The following SEC14L5 variants were observed in gnomAD, a reference collection of about 807,000 sequenced individuals.
The protein encoded by SEC14L5 is SEC14 like lipid binding 5, also known as SEC14-like protein 5.
In SEC14L5, 96 loss-of-function variants were observed where a neutral mutation model predicts 84.6. The observed-to-expected ratio is 1.13, with a 90% CI of 0.96 to 1.34. The LOEUF (loss-of-function observed/expected upper bound fraction) is 1.34. SEC14L5 is among the 40% of genes most tolerant of loss of function. SEC14L5 has a pLI of 0.00. For synonymous variants in SEC14L5, 546 were observed against 383.4 expected (o/e 1.42, Z -4.95); for missense variants, 1,224 against 942.5 (o/e 1.30, Z -3.91).
chr16:5,015,100 G>T lies in SEC14L5; in HGVS notation c.*130G>T, dbSNP rs1955859585. 5 of 699,330 alleles carry T rather than the reference G, an allele frequency of 7.1e-6. No individual in the cohort carries two copies. The South Asian group carries it at 9.1e-5, about 13-fold the overall frequency. The allele number at this position is 699,330 out of a possible 1,614,324, so 43.3% of individuals were successfully genotyped here. A position where few individuals can be genotyped will look rare whatever the true frequency, so the allele number is the denominator to read the frequency against. On this transcript the variant is annotated 3_prime_UTR_variant, in exon 16 of 16. Coordinates refer to ENST00000251170, the MANE Select transcript of SEC14L5 (RefSeq NM_014692.2). ...CCAGGCCTAGATGCTGCCCAAGTTGGGGTGTCTGGAGCGGATGGCAAGGAT... is the reference window on the plus strand; with the variant it reads ...CCAGGCCTAGATGCTGCCCAAGTTGTGGTGTCTGGAGCGGATGGCAAGGAT...
At chr16:4,982,538 C>G (rs528086228) in intron 2 of SEC14L5, among the ~76,000 whole-genome samples, 4 of 152,160 alleles carry the variant, frequency 2.6e-5, no homozygotes, top group Non-Finnish European at 5.9e-5. Context: ...TCCGCCCGCA[C>G]AGAAGCAAGC....
intron 2 of SEC14L5, among the ~76,000 whole-genome samples, chr16:4,983,078 C>T (rs868544848): frequency 1.4e-4 from 21 of 152,272 alleles, no homozygotes; most frequent in Admixed American, 7.2e-4. Context: ...TCTCCGCTTA[C>T]TGTAACCTCT....
At chr16:4,988,346 C>G in intron 4 of SEC14L5, 66 bp downstream of exon 4, 1 of 1,570,372 alleles carries the variant, frequency 6.4e-7, no homozygotes, top group Non-Finnish European at 8.6e-7. Context: ...CACCTGTGCC[C>G]AGAGCTGTGT....
intron 15 of SEC14L5, among the ~76,000 whole-genome samples, chr16:5,013,972 C>T (rs552251235): frequency 3.3e-5 from 5 of 152,324 alleles, no homozygotes; most frequent in East Asian, 3.9e-4. Context: ...GGATGACAGG[C>T]GTAAGCCATG....
intron 2 of SEC14L5, among the ~76,000 whole-genome samples, chr16:4,982,606 C>G (rs1955438501): frequency 6.6e-6 from 1 of 152,224 alleles, no homozygotes; most frequent in South Asian, 2.1e-4. Flanking sequence ...GTGAGGGGCC[C>G]TTCCCTGTGA....
intron 2 of SEC14L5, among the ~76,000 whole-genome samples, chr16:4,980,329 G>A (rs946287378): frequency 2.0e-4 from 31 of 152,274 alleles, no homozygotes; most frequent in African/African-American, 7.0e-4. Flanking sequence ...ACTGGATACT[G>A]GGAGAAGTAC....
At position 4,965,454 on chromosome 16, in the gene SEC14L5, G is replaced by A. The variant is rs899912714; in HGVS notation, c.63+6068G>A. Among the ~76,000 whole-genome samples, 13 of 151,882 alleles carry A rather than the reference G, an allele frequency of 8.6e-5. 1 individual carries two copies. The Middle Eastern group carries it at 0.021, about 240-fold the overall frequency. On this transcript the variant is annotated intron_variant, in intron 2 of 15. Coordinates refer to ENST00000251170, the MANE Select transcript of SEC14L5 (RefSeq NM_014692.2). ...AGGCGGGCGGATCACGAGGTCAGGA[G>A]ATCGAGACCATCCTGGCTAACACGG... is the stretch of plus-strand genomic sequence containing the variant.
chr16:4,970,617 C>G (rs1955263335), intron 2 of SEC14L5, among the ~76,000 whole-genome samples: 1 of 152,202 alleles, frequency 6.6e-6, no homozygotes, highest in African/African-American at 2.4e-5. Context: ...GGGGAACCAG[C>G]TGATCCTAGG....
intron 6 of SEC14L5, among the ~76,000 whole-genome samples, chr16:4,995,478 A>C (rs913947345): frequency 4.6e-5 from 7 of 151,784 alleles, no homozygotes; most frequent in Admixed American, 4.6e-4. Context: ...GTCTGTCAAA[A>C]CCCCACAATG....
At chr16:4,986,213 C>T (rs947776693) in intron 2 of SEC14L5, among the ~76,000 whole-genome samples, 2 of 151,658 alleles carry the variant, frequency 1.3e-5, no homozygotes, top group South Asian at 4.2e-4. Flanking sequence ...GATTTCAGCT[C>T]ACTGAAACCT....
intron 6 of SEC14L5, among the ~76,000 whole-genome samples, chr16:4,994,715 G>A (rs74005465): frequency 2.0e-5 from 3 of 150,092 alleles, no homozygotes; most frequent in Middle Eastern, 3.4e-3. Context: ...GCCCGCTCCT[G>A]CCCCCTCCTG....
intron 10 of SEC14L5, among the ~76,000 whole-genome samples, chr16:5,002,319 C>G (rs970257134): frequency 5.2e-5 from 3 of 57,532 alleles, no homozygotes; most frequent in African/African-American, 1.4e-4. Flanking sequence ...TTTTTTTTGA[C>G]AGAGTCTCGT....
chr16:4,987,649 G>A lies in SEC14L5; in HGVS notation c.156G>A (p.Val52=), dbSNP rs1568125334. The change falls in exon 3 of 16, where the codon GTG becomes GTA. Residue 52 remains valine (V), a synonymous_variant. Transcript: ENST00000251170. The stretch of plus-strand genomic sequence containing the variant: ...AGTCCCGCAGCCCGGACGGGGCTGT[G>A]CACGTGGTGGAGCGGAGCTGCCGGC... ...LRESRSPDGA[V]HVVERSCRLR... The A allele has an allele frequency of 6.4e-7, 1 of 1,553,226 alleles. No homozygotes were observed. Among genetic ancestry groups the A allele is most frequent in the Non-Finnish European group, 8.7e-7 (1 of 1,150,656 alleles).
rs979797558 is a variant in SEC14L5, at chr16:5,007,282, C to G, written c.1438-70C>G. The G allele has an allele frequency of 5.7e-5, 86 of 1,496,368 alleles. 1 individual carries two copies. The highest frequency in any genetic ancestry group is 7.5e-5 in the Non-Finnish European group (82 of 1,092,646). 92.7% of individuals were successfully genotyped at this position (1,496,368 alleles called of 1,614,324 possible). ...GAGTGGCTTTGGGGGTCACACATCA[C>G]CCTTCTGTGGGTCAGGCCAGCCAGG... On this transcript the variant is annotated intron_variant, in intron 12 of 15. Transcript: ENST00000251170.
rs546482495 is a variant in SEC14L5, at chr16:4,976,155, G to T, written c.64-11402G>T. 7.9e-5 allele frequency among the ~76,000 whole-genome samples: 12 copies of T among 152,324 alleles called. No homozygotes were observed. The South Asian group carries it at 2.5e-3, about 32-fold the overall frequency. ...AACCATGTGCCAGGCACTGCTCTAA[G>T]CACATTGCATGAGCTGACTCCTTTA... is the stretch of plus-strand genomic sequence containing the variant. On this transcript the variant is annotated intron_variant, in intron 2 of 15. Transcript: ENST00000251170.
Position 4,996,363 on chromosome 16 carries a change from C to A in SEC14L5, c.683C>A (p.Ala228Glu). The A allele has an allele frequency of 6.4e-7, 1 of 1,557,350 alleles. No individual in the cohort carries two copies. Among genetic ancestry groups the A allele is most frequent in the Non-Finnish European group, 8.7e-7 (1 of 1,150,210 alleles). The change falls in exon 7 of 16, where the codon GCG becomes GAG. Residue 228 changes from alanine to glutamate, a missense_variant. Physicochemically the swap from Ala to Glu is moderately radical, Grantham distance 107. Transcript: ENST00000251170. Reference sequence around the variant, plus strand: ...CTCCTCCAAGGGGACAAGCTGGATGCGGACTACATTGAGAGGTGCCTGGGC... The same window carrying A: ...CTCCTCCAAGGGGACAAGCTGGATGAGGACTACATTGAGAGGTGCCTGGGC... ...AVSMDGDKLD[A>E]DYIERCLGHL...
chr16:4,963,354 T>A (rs1030786236), intron 2 of SEC14L5, among the ~76,000 whole-genome samples: 1 of 152,206 alleles, frequency 6.6e-6, no homozygotes. Flanking sequence ...CAACTATTTT[T>A]TTTTTAAGAT....
At position 5,008,637 on chromosome 16, in the gene SEC14L5, G is replaced by C; in HGVS notation, c.1789G>C (p.Glu597Gln). 1 of 1,607,452 alleles carries C rather than the reference G, an allele frequency of 6.2e-7. No individual in the cohort carries two copies. Among genetic ancestry groups the C allele is most frequent in the East Asian group, 2.2e-5 (1 of 44,868 alleles). Reference sequence around the variant, plus strand: ...GGCTCCCCTTGTCTGCCGGGAGGGGGAGAGCATCCAGGTTTGCATTTTCTG... The same window carrying C: ...GGCTCCCCTTGTCTGCCGGGAGGGGCAGAGCATCCAGGTTTGCATTTTCTG... ...VEAPLVCREG[E>Q]SIQGSHVTRW... The change falls in exon 14 of 16, where the codon GAG becomes CAG. Residue 597 changes from glutamate (E) to glutamine (Q), a missense_variant. Coordinates refer to ENST00000251170, the MANE Select transcript of SEC14L5 (RefSeq NM_014692.2).
At chr16:4,962,331 C>T (rs542004663) in intron 2 of SEC14L5, among the ~76,000 whole-genome samples, 1 of 152,220 alleles carries the variant, frequency 6.6e-6, no homozygotes, top group East Asian at 1.9e-4. Flanking sequence ...CATTTACTCC[C>T]TTCGCTGTTG....
Sources: gnomAD v4.1 joint callset for allele counts (sites outside exome capture counted in the v4.1 genomes callset) on GRCh38, gnomAD v4.1.1 for gene constraint, MANE v1.5 for transcripts, NCBI Gene and HGNC (gene_info 2026-07-23, HGNC 2026-07-21) for gene names.